BMERB1: variants seen among roughly 807,000 people sequenced by gnomAD.
BMERB1 encodes the protein bMERB domain containing 1.
BMERB1 carries 12 observed loss-of-function variants against 23.6 expected under a neutral mutation model. The observed-to-expected ratio is 0.51, with a 90% CI of 0.33 to 0.82. BMERB1 has a LOEUF of 0.82. Ranked by LOEUF, BMERB1 falls within the 40% of genes least tolerant of loss-of-function variation. The pLI is 0.03. For missense variants in BMERB1, 247 were observed against 255.4 expected (o/e 0.97, Z 0.22); for synonymous variants, 122 against 96.6 (o/e 1.26, Z -1.54).
chr16:15,534,601 GC>G (rs2052008421), intron 2 of BMERB1, among the ~76,000 whole-genome samples: 1 of 152,082 alleles, frequency 6.6e-6, no homozygotes, highest in Non-Finnish European at 1.5e-5. Flanking sequence ...TATCCATATG[GC>G]CATAACTAGG....
intron 1 of BMERB1, among the ~76,000 whole-genome samples, chr16:15,508,653 A>G (rs1030327287): frequency 1.3e-4 from 19 of 151,816 alleles, no homozygotes; most frequent in Admixed American, 1.2e-3. Flanking sequence ...GCAAAACCCC[A>G]TCTCTACAAA....
intron 2 of BMERB1, among the ~76,000 whole-genome samples, chr16:15,556,192 AT>A (rs2030253065): frequency 6.6e-6 from 1 of 152,116 alleles, no homozygotes; most frequent in African/African-American, 2.4e-5. Context: ...AAAAAAAAAA[AT>A]AGCATGTGAT....
At chr16:15,519,713 G>C (rs906024554) in intron 2 of BMERB1, among the ~76,000 whole-genome samples, 4 of 152,082 alleles carry the variant, frequency 2.6e-5, no homozygotes, top group Admixed American at 6.6e-5. Flanking sequence ...ATGAGTCCGG[G>C]GGGGACTGCC....
At chr16:15,539,792 G>A (rs947427680) in intron 2 of BMERB1, among the ~76,000 whole-genome samples, 5 of 151,110 alleles carry the variant, frequency 3.3e-5, no homozygotes, top group East Asian at 2.0e-4. Flanking sequence ...GCAGTGAGCC[G>A]AGATCGTACC....
intron 1 of BMERB1, among the ~76,000 whole-genome samples, chr16:15,501,531 G>A (rs1450078965): frequency 6.6e-6 from 1 of 152,126 alleles, no homozygotes; most frequent in Non-Finnish European, 1.5e-5. Flanking sequence ...CTGGAGTGCA[G>A]TGGCACGATC....
chr16:15,481,839 C>G (rs2051323154), intron 1 of BMERB1, among the ~76,000 whole-genome samples: 1 of 151,666 alleles, frequency 6.6e-6, no homozygotes, highest in Admixed American at 6.6e-5. Context: ...ACTCTCCTAC[C>G]TCAGCCTCCC....
chr16:15,563,409 C>T (rs577447650), intron 2 of BMERB1, among the ~76,000 whole-genome samples: 6 of 151,940 alleles, frequency 3.9e-5, no homozygotes, highest in East Asian at 3.9e-4. Flanking sequence ...TTAGTAGAGA[C>T]GGGGTTTCAC....
chr16:15,449,085 C>T (rs1020788278), intron 1 of BMERB1, among the ~76,000 whole-genome samples: 2 of 152,144 alleles, frequency 1.3e-5, no homozygotes, highest in South Asian at 2.1e-4. Context: ...CGATAAGGCC[C>T]CGTTAAATAA....
intron 1 of BMERB1, among the ~76,000 whole-genome samples, chr16:15,495,981 G>A (rs1264551208): frequency 6.6e-6 from 1 of 151,994 alleles, no homozygotes; most frequent in Admixed American, 6.6e-5. Context: ...CAATGATGAT[G>A]ATAGTGATGT....
intron 3 of BMERB1, among the ~76,000 whole-genome samples, chr16:15,578,941 T>A (rs2030940856): frequency 1.3e-5 from 2 of 152,176 alleles, no homozygotes; most frequent in Non-Finnish European, 2.9e-5. Context: ...GGCCAATGAC[T>A]TGGAGACTTG....
At chr16:15,492,934 A>G (rs1442944694) in intron 1 of BMERB1, among the ~76,000 whole-genome samples, 2 of 151,904 alleles carry the variant, frequency 1.3e-5, no homozygotes, top group Admixed American at 6.6e-5. Context: ...AAAAGAAAAA[A>G]AAGAAGAAAG....
intron 2 of BMERB1, among the ~76,000 whole-genome samples, chr16:15,541,747 G>A (rs1301403172): frequency 1.3e-5 from 2 of 148,794 alleles, no homozygotes; most frequent in East Asian, 2.0e-4. Flanking sequence ...GCCTACAGGC[G>A]CCTGCCACCA....
chr16:15,509,633 A>G (rs370167524), intron 1 of BMERB1, among the ~76,000 whole-genome samples: 1 of 151,856 alleles, frequency 6.6e-6, no homozygotes, highest in South Asian at 2.1e-4. Context: ...GCCAGACCCC[A>G]CTTCCCCCAT....
intron 1 of BMERB1, among the ~76,000 whole-genome samples, chr16:15,470,361 T>A (rs1454885818): frequency 6.6e-6 from 1 of 151,972 alleles, no homozygotes; most frequent in Non-Finnish European, 1.5e-5. Flanking sequence ...CATCATTGGG[T>A]TTGATTTGCT....
chr16:15,520,060 C>T (rs2051831028), intron 2 of BMERB1, among the ~76,000 whole-genome samples: 1 of 152,106 alleles, frequency 6.6e-6, no homozygotes, highest in Non-Finnish European at 1.5e-5. Flanking sequence ...GCATTCACCC[C>T]TTAATTTTAG....
At chr16:15,521,879 C>T (rs1351161242) in intron 2 of BMERB1, among the ~76,000 whole-genome samples, 15 of 152,158 alleles carry the variant, frequency 9.9e-5, no homozygotes. Flanking sequence ...GCTACCCCAT[C>T]TCCCTACCCA....
chr16:15,534,875 C>T (rs2052011076), intron 2 of BMERB1, among the ~76,000 whole-genome samples: 1 of 152,168 alleles, frequency 6.6e-6, no homozygotes, highest in South Asian at 2.1e-4. Context: ...CAAGTACCAC[C>T]CCAGGTGTTT....
chr16:15,453,977 C>T (rs2051063837), intron 1 of BMERB1, among the ~76,000 whole-genome samples: 1 of 152,132 alleles, frequency 6.6e-6, no homozygotes, highest in Admixed American at 6.6e-5. Context: ...TTTCCTTCCT[C>T]TCCTCCTCTT....
intron 4 of BMERB1, among the ~76,000 whole-genome samples, chr16:15,582,122 G>A (rs1450038002): frequency 1.3e-5 from 2 of 152,222 alleles, no homozygotes; most frequent in Non-Finnish European, 2.9e-5. Flanking sequence ...CTATGGTCGG[G>A]TACAGTGGCT....
Sources: gnomAD v4.1 joint callset for allele counts (sites outside exome capture counted in the v4.1 genomes callset) on GRCh38, gnomAD v4.1.1 for gene constraint, MANE v1.5 for transcripts, NCBI Gene and HGNC (gene_info 2026-07-23, HGNC 2026-07-21) for gene names.